Variants in SLC36A1 observed in about 807,000 individuals in gnomAD.
The protein encoded by SLC36A1 is solute carrier family 36 member 1, also known as proton-coupled amino acid transporter 1.
Under a neutral mutation model 47.5 loss-of-function variants are expected in SLC36A1, and 30 were observed. The ratio of observed to expected loss-of-function variants is 0.63; its 90% CI spans 0.47 to 0.86. The LOEUF (loss-of-function observed/expected upper bound fraction) is 0.86. Ranked by LOEUF, SLC36A1 falls within the 40% of genes least tolerant of loss-of-function variation. The pLI, the probability that SLC36A1 is intolerant of heterozygous loss-of-function variation, is 0.00. For missense variants in SLC36A1, 517 were observed against 606.0 expected (o/e 0.85, Z 1.54); for synonymous variants, 255 against 249.7 (o/e 1.02, Z -0.20).
chr5:151,535,667 C>T, the SLC36A1 span, among the ~76,000 whole-genome samples: 8 of 152,150 alleles, frequency 5.3e-5, no homozygotes, highest in Non-Finnish European at 1.2e-4. Context: ...AAGAAGGAGT[C>T]GTGGGAGCCC....
chr5:151,467,489 G>C (rs2271215), intron 6 of SLC36A1, among the ~76,000 whole-genome samples: 36,530 of 151,846 alleles, frequency 0.24, 4,806 homozygotes, highest in East Asian at 0.48. Context: ...ATGTCTTGTC[G>C]ACCCTCCTGT....
the SLC36A1 span, chr5:151,537,785 A>G: frequency 6.2e-7 from 1 of 1,607,072 alleles, no homozygotes; most frequent in Non-Finnish European, 8.5e-7. Context: ...GCAGCTCAGG[A>G]AACCCACCTG....
chr5:151,459,141 G>A (rs374264479), intron 2 of SLC36A1, among the ~76,000 whole-genome samples: 3 of 152,160 alleles, frequency 2.0e-5, no homozygotes, highest in Non-Finnish European at 2.9e-5. Context: ...CCTTTCAGCT[G>A]TGTTGGCCCC....
chr5:151,528,030 T>G, the SLC36A1 span: 3 of 1,614,142 alleles, frequency 1.9e-6, no homozygotes, highest in East Asian at 6.7e-5. Context: ...CACCTGTAGC[T>G]CCCCCTTTTT....
chr5:151,449,140 G>A (rs1474278499), intron 1 of SLC36A1, among the ~76,000 whole-genome samples: 2 of 152,168 alleles, frequency 1.3e-5, no homozygotes, highest in Non-Finnish European at 2.9e-5. Flanking sequence ...ATCTAATTGT[G>A]TAGGAAGCAG....
the SLC36A1 span, among the ~76,000 whole-genome samples, chr5:151,373,893 C>T: frequency 6.6e-6 from 1 of 152,148 alleles, no homozygotes; most frequent in East Asian, 1.9e-4. Flanking sequence ...AGCCACTGTG[C>T]TCAGCCTGTT....
intron 7 of SLC36A1, among the ~76,000 whole-genome samples, chr5:151,468,636 C>T (rs1756924156): frequency 6.6e-6 from 1 of 151,278 alleles, no homozygotes; most frequent in Non-Finnish European, 1.5e-5. Context: ...CAGTAGCGAT[C>T]CCTCCATGAG....
At chr5:151,369,693 G>A in the SLC36A1 span, among the ~76,000 whole-genome samples, 1 of 152,210 alleles carries the variant, frequency 6.6e-6, no homozygotes, top group Non-Finnish European at 1.5e-5. Flanking sequence ...TATTGCCCAG[G>A]TTGGTCTAGA....
rs1341482558 is a variant in SLC36A1, at chr5:151,468,029, G to A, written c.723+104G>A. ...CCAGCACTTTGGGAGGTGGGGGCGG[G>A]TGGATCACCTGAGATCAGGAGTTTG... On this transcript the variant is annotated intron_variant, in intron 7 of 10. Transcript: ENST00000243389. 4 of 912,046 alleles carry A rather than the reference G, an allele frequency of 4.4e-6. No individual in the cohort carries two copies. The African/African-American group carries it at 6.7e-5, about 15-fold the overall frequency. The allele number at this position is 912,046 out of a possible 1,614,324, so 56.5% of individuals were successfully genotyped here. A position where few individuals can be genotyped will look rare whatever the true frequency, so the allele number is the denominator to read the frequency against.
At chr5:151,535,236 T>C in the SLC36A1 span, among the ~76,000 whole-genome samples, 2 of 151,988 alleles carry the variant, frequency 1.3e-5, no homozygotes, top group East Asian at 3.9e-4. Flanking sequence ...TTACACACTC[T>C]TTTGTTATAA....
chr5:151,505,447 G>T, the SLC36A1 span: 1 of 1,241,774 alleles, frequency 8.1e-7, no homozygotes, highest in Non-Finnish European at 1.1e-6. Context: ...CAACAGCCTG[G>T]GCTGAGGGCT....
intron 6 of SLC36A1, 25 bp downstream of exon 6, chr5:151,467,308 A>AAG: frequency 7.2e-7 from 1 of 1,398,486 alleles, no homozygotes; most frequent in Non-Finnish European, 9.8e-7. Flanking sequence ...AAAAAAGAAA[A>AAG]AAAAAAAAAA....
the SLC36A1 span, among the ~76,000 whole-genome samples, chr5:151,536,589 C>T: frequency 6.6e-6 from 1 of 152,206 alleles, no homozygotes. Flanking sequence ...ACTCTCACAG[C>T]CCAGCCTCTC....
chr5:151,555,377 T>C, the SLC36A1 span, among the ~76,000 whole-genome samples: 1 of 147,438 alleles, frequency 6.8e-6, no homozygotes, highest in African/African-American at 2.5e-5. Flanking sequence ...CTTTTTTTTT[T>C]TTTTTTTTTT....
upstream of SLC36A1, among the ~76,000 whole-genome samples, chr5:151,433,609 A>G (rs1403969945): frequency 1.3e-5 from 2 of 151,964 alleles, no homozygotes; most frequent in East Asian, 3.9e-4. Flanking sequence ...ATATTTTAAA[A>G]AAATTCTTAA....
chr5:151,410,173 T>G, the SLC36A1 span, among the ~76,000 whole-genome samples: 1 of 152,150 alleles, frequency 6.6e-6, no homozygotes, highest in Non-Finnish European at 1.5e-5. Flanking sequence ...ACCAGGCTCC[T>G]GTCTGAGGGC....
chr5:151,527,535 G>C, the SLC36A1 span, among the ~76,000 whole-genome samples: 4 of 152,092 alleles, frequency 2.6e-5, no homozygotes, highest in Non-Finnish European at 5.9e-5. Flanking sequence ...TTAGGTTCTG[G>C]AGTCAGACAG....
the SLC36A1 span, among the ~76,000 whole-genome samples, chr5:151,548,701 G>A: frequency 9.1e-3 from 1,391 of 152,130 alleles, 17 homozygotes; most frequent in African/African-American, 0.032. Flanking sequence ...GGCGGGTCTC[G>A]AACTCCCAAC....
chr5:151,465,924 C>G (rs1163898833), intron 5 of SLC36A1, among the ~76,000 whole-genome samples: 2 of 143,770 alleles, frequency 1.4e-5, no homozygotes, highest in South Asian at 4.7e-4. Flanking sequence ...GAAATTGATA[C>G]TATCAAGGGC....
Sources: gnomAD v4.1 joint callset for allele counts (sites outside exome capture counted in the v4.1 genomes callset) on GRCh38, gnomAD v4.1.1 for gene constraint, MANE v1.5 for transcripts, NCBI Gene and HGNC (gene_info 2026-07-23, HGNC 2026-07-21) for gene names.